The following ISY1 variants were observed in gnomAD, a reference collection of about 807,000 sequenced individuals.
ISY1 encodes ISY1 spliceosome associated protein.
ISY1 carries 12 observed loss-of-function variants against 54.4 expected under a neutral mutation model. That is an observed-to-expected ratio of 0.22 (90% CI 0.14 to 0.36). The LOEUF (loss-of-function observed/expected upper bound fraction) is 0.36. Among genes scored for constraint, ISY1 ranks in the 10% least tolerant of loss-of-function variants. ISY1 has a pLI of 1.00. For synonymous variants in ISY1, 96 were observed against 117.9 expected (o/e 0.81, Z 1.20); for missense variants, 282 against 342.2 (o/e 0.82, Z 1.39).
At chr3:129,133,173 T>C (rs1936282951) in intron 9 of ISY1, among the ~76,000 whole-genome samples, 1 of 152,192 alleles carries the variant, frequency 6.6e-6, no homozygotes, top group South Asian at 2.1e-4. Flanking sequence ...TTGGTAATGT[T>C]TCATAGAAAA....
intron 9 of ISY1, among the ~76,000 whole-genome samples, chr3:129,132,594 CAG>C (rs1369936592): frequency 6.6e-6 from 1 of 152,196 alleles, no homozygotes; most frequent in Non-Finnish European, 1.5e-5. Flanking sequence ...AGCTTCCCAG[CAG>C]AGTGTCTGCA....
intron 1 of ISY1, among the ~76,000 whole-genome samples, chr3:129,160,672 G>C (rs1937280331): frequency 6.6e-6 from 1 of 152,110 alleles, no homozygotes; most frequent in Non-Finnish European, 1.5e-5. Flanking sequence ...CCCACACTAT[G>C]CACCGTAACT....
At chr3:129,148,567 C>T (rs965034953) in intron 5 of ISY1, among the ~76,000 whole-genome samples, 2 of 152,158 alleles carry the variant, frequency 1.3e-5, no homozygotes, top group African/African-American at 2.4e-5. Flanking sequence ...TTTGCATCTA[C>T]ATTTTATTTT....
intron 7 of ISY1, among the ~76,000 whole-genome samples, chr3:129,139,090 T>G (rs1313804313): frequency 6.6e-6 from 1 of 151,678 alleles, no homozygotes; most frequent in Admixed American, 6.6e-5. Flanking sequence ...GCCTGCCATA[T>G]GCCCAGCTAA....
At chr3:129,151,380 G>C (rs1936964346) in intron 5 of ISY1, among the ~76,000 whole-genome samples, 1 of 151,884 alleles carries the variant, frequency 6.6e-6, no homozygotes, top group Admixed American at 6.6e-5. Context: ...TGTAATCCCA[G>C]TACTTTGGGA....
chr3:129,148,020 C>T (rs1936826579), intron 5 of ISY1, among the ~76,000 whole-genome samples: 1 of 151,722 alleles, frequency 6.6e-6, no homozygotes, highest in African/African-American at 2.4e-5. Context: ...AGAGATGAGG[C>T]CTTACTATGT....
chr3:129,160,533 A>C (rs1273303300), intron 1 of ISY1, among the ~76,000 whole-genome samples: 1 of 152,110 alleles, frequency 6.6e-6, no homozygotes, highest in Non-Finnish European at 1.5e-5. Flanking sequence ...AATAAGGAAA[A>C]GACCCTACCC....
At chr3:129,135,798 A>G (rs1335812387) in intron 7 of ISY1, among the ~76,000 whole-genome samples, 2 of 151,984 alleles carry the variant, frequency 1.3e-5, no homozygotes, top group Non-Finnish European at 2.9e-5. Context: ...AACACGAGAT[A>G]GCAAAAAGCT....
At position 129,157,281 on chromosome 3, in the gene ISY1, TA is replaced by T. The variant is rs573695733; in HGVS notation, c.79-362del. ...TCATATACATGTGCGTATATAAAATTAAAAAAAAAATCCAAAGAATGGTATA... is the reference window on the plus strand; with the variant it reads ...TCATATACATGTGCGTATATAAAATTAAAAAAAAATCCAAAGAATGGTATA... On this transcript the variant is annotated intron_variant, in intron 3 of 10. Coordinates refer to ENST00000393295, the MANE Select transcript of ISY1 (RefSeq NM_020701.4). Among the ~76,000 whole-genome samples the T allele has an allele frequency of 2.5e-3, 371 of 150,352 alleles. 3 individuals carry two copies. The highest frequency in any genetic ancestry group is 2.2e-3 in the African/African-American group (89 of 41,078).
intron 9 of ISY1, 157 bp from the exon 10 acceptor site, chr3:129,130,793 A>T: frequency 1.3e-6 from 1 of 746,452 alleles, no homozygotes; most frequent in Non-Finnish European, 2.1e-6. Flanking sequence ...GATTAAGTAA[A>T]AAAAGCCATA....
chr3:129,159,323 A>G, intron 1 of ISY1, 147 bp from the exon 2 acceptor site: 1 of 1,054,496 alleles, frequency 9.5e-7, no homozygotes, highest in South Asian at 1.7e-5. Flanking sequence ...ACAAAAATCA[A>G]AAGATGTCCA....
chr3:129,132,383 T>C (rs1281923825), intron 9 of ISY1, among the ~76,000 whole-genome samples: 3 of 152,098 alleles, frequency 2.0e-5, no homozygotes, highest in Non-Finnish European at 4.4e-5. Flanking sequence ...CCACTGCTCT[T>C]CCCCACAACG....
chr3:129,130,418 C>T (rs1936204161), intron 10 of ISY1, 132 bp downstream of exon 10: 2 of 1,216,392 alleles, frequency 1.6e-6, no homozygotes, highest in Non-Finnish European at 2.3e-6. Context: ...AACACAATGA[C>T]AGGTGTCATG....
At chr3:129,132,720 G>A (rs1936270919) in intron 9 of ISY1, among the ~76,000 whole-genome samples, 1 of 152,164 alleles carries the variant, frequency 6.6e-6, no homozygotes, top group Admixed American at 6.5e-5. Flanking sequence ...CCATGCCCCT[G>A]CACCTGGAAT....
At position 129,130,141 on chromosome 3, in the gene ISY1, C is replaced by T. The variant is rs1936196541; in HGVS notation, c.798G>A (p.Lys266=). 2 of 1,612,680 alleles carry T rather than the reference C, an allele frequency of 1.2e-6. No homozygotes were observed. Among genetic ancestry groups the T allele is most frequent in the Admixed American group, 1.7e-5 (1 of 59,512 alleles). Residue 266 remains lysine, a synonymous_variant, in exon 11 of 11, where the codon AAG becomes AAA. Transcript: ENST00000393295. ...VRRKKMELLQ[K]YASETLQAQS... is the part of the protein sequence containing the mutation. ...GGGCCTGCAGGGTCTCGCTTGCATA[C>T]TTCTGGAGGAGTTCCATTTTCTTCC...
chr3:129,160,117 C>T (rs1937261765), intron 1 of ISY1, among the ~76,000 whole-genome samples: 1 of 152,034 alleles, frequency 6.6e-6, no homozygotes, highest in South Asian at 2.1e-4. Flanking sequence ...ACTCCGCCTC[C>T]CGGGTTCACG....
At chr3:129,137,231 G>C (rs1332697609) in intron 7 of ISY1, 15 of 986,188 alleles carry the variant, frequency 1.5e-5, no homozygotes, top group African/African-American at 1.7e-5. Flanking sequence ...GGCCGGAAAG[G>C]AACATACCAA....
intron 6 of ISY1, among the ~76,000 whole-genome samples, chr3:129,143,783 CAGTG>C (rs1234553458): frequency 6.6e-6 from 1 of 151,770 alleles, no homozygotes; most frequent in African/African-American, 2.4e-5. Context: ...ATTGTACATA[CAGTG>C]AGTATGGTTT....
In ISY1 at chr3:129,129,898, G is replaced by C; in HGVS notation, c.*183C>G. 1 of 488,648 alleles carries C rather than the reference G, an allele frequency of 2.0e-6. No homozygotes were observed. The highest frequency in any genetic ancestry group is 3.6e-6 in the Non-Finnish European group (1 of 279,350). 30.3% of individuals were successfully genotyped at this position (488,648 alleles called of 1,614,324 possible). A position where few individuals can be genotyped will look rare whatever the true frequency, so the allele number is the denominator to read the frequency against. On this transcript the variant is annotated 3_prime_UTR_variant, in exon 11 of 11. Transcript: ENST00000393295. ...GGATCCACACAGTAGCAAAATATGT[G>C]TACAAAACCTACCAGGAAGACCAGG...
Sources: allele counts gnomAD v4.1 joint callset (sites outside exome capture counted in the v4.1 genomes callset), GRCh38; gene constraint gnomAD v4.1.1; transcripts MANE v1.5; gene names NCBI Gene and HGNC (gene_info 2026-07-23, HGNC 2026-07-21).